ACSL5: variants seen among roughly 807,000 people sequenced by gnomAD.
ACSL5 encodes the protein acyl-CoA synthetase long chain family member 5, also known as long-chain-fatty-acid--CoA ligase 5.
A neutral mutation model predicts 84.9 loss-of-function variants in ACSL5; 50 were observed. The ratio of observed to expected loss-of-function variants is 0.59; its 90% CI spans 0.47 to 0.75. ACSL5 has a LOEUF of 0.75. Among genes scored for constraint, ACSL5 ranks in the 30% least tolerant of loss-of-function variants. ACSL5 has a pLI of 0.00. For synonymous variants in ACSL5, 280 were observed against 300.7 expected, an observed-to-expected ratio of 0.93 and a Z score of 0.71; for missense variants, 775 against 830.4, an observed-to-expected ratio of 0.93 and a Z score of 0.82.
At chr10:112,416,240 G>A (rs1844309908) in intron 12 of ACSL5, among the ~76,000 whole-genome samples, 1 of 152,140 alleles carries the variant, frequency 6.6e-6, no homozygotes, top group South Asian at 2.1e-4. Context: ...GGGAGGCCAA[G>A]GCGGGCAGAT....
chr10:112,418,462 G>A (rs1207374026), intron 14 of ACSL5, among the ~76,000 whole-genome samples: 1 of 152,120 alleles, frequency 6.6e-6, no homozygotes, highest in Admixed American at 6.5e-5. Context: ...GGCGCCTGTA[G>A]TCCCAGCTAC....
At chr10:112,377,256 A>G (rs537189106) in intron 1 of ACSL5, among the ~76,000 whole-genome samples, 1 of 152,224 alleles carries the variant, frequency 6.6e-6, no homozygotes, top group African/African-American at 2.4e-5. Context: ...AAATAAAGTT[A>G]AGGCCGGGCG....
At chr10:112,417,201 T>TAAAAAAAAAAAA (rs377732977) in intron 13 of ACSL5, among the ~76,000 whole-genome samples, 179 bp downstream of exon 13, 1 of 120,050 alleles carries the variant, frequency 8.3e-6, no homozygotes, top group Non-Finnish European at 1.7e-5. Flanking sequence ...GGAGTAGGTT[T>TAAAAAAAAAAAA]AAAAAAAAAA....
At chr10:112,421,528 C>A in intron 14 of ACSL5, 65 bp from the exon 15 acceptor site, 1 of 1,435,892 alleles carries the variant, frequency 7.0e-7, no homozygotes, top group Non-Finnish European at 9.8e-7. Flanking sequence ...GTGTCTTGAC[C>A]ATAGCACGTG....
rs755535386 is a variant in ACSL5 at position 112,413,239 on chromosome 10, G to A, written c.1015G>A (p.Asp339Asn). The A allele has an allele frequency of 6.2e-6, 10 of 1,614,048 alleles. No homozygotes were observed. Among genetic ancestry groups the A allele is most frequent in the South Asian group, 1.1e-5 (1 of 91,080 alleles). Residue 339 changes from aspartate to asparagine, a missense_variant, in exon 12 of 21, where the codon GAC becomes AAC. Asp to Asn is a conservative substitution (Grantham distance 23). Transcript: ENST00000354655. The part of the protein sequence containing the change: ...FQGDIRLLAD[D>N]MKTLKPTLFP... ...AGGGGATATTCGGTTGCTGGCTGAC[G>A]ACATGAAGACTTTGAAGCCCACATT...
chr10:112,381,843 T>C (rs1347550423), intron 1 of ACSL5, among the ~76,000 whole-genome samples: 1 of 152,060 alleles, frequency 6.6e-6, no homozygotes, highest in Non-Finnish European at 1.5e-5. Flanking sequence ...GGCACGTGCC[T>C]GTAGTCCCAG....
At chr10:112,395,163 A>G in intron 2 of ACSL5, 61 bp downstream of exon 2, 1 of 1,522,792 alleles carries the variant, frequency 6.6e-7, no homozygotes, top group Non-Finnish European at 9.0e-7. Context: ...TGTAACTCCA[A>G]ACCTAGGGAT....
At chr10:112,375,622 C>T (rs1849221921) in intron 1 of ACSL5, 3 of 152,350 alleles carry the variant, frequency 2.0e-5, no homozygotes, top group South Asian at 4.2e-4. Context: ...CAGGGCCCCC[C>T]TGTAGCCACA....
At chr10:112,384,197 CA>C (rs536652492) in intron 1 of ACSL5, among the ~76,000 whole-genome samples, 3 of 151,484 alleles carry the variant, frequency 2.0e-5, no homozygotes, top group Non-Finnish European at 4.4e-5. Flanking sequence ...GAAAAAAAAA[CA>C]AAAAACAAAA....
In ACSL5 at chr10:112,416,981, C is replaced by G. The variant is rs756209485; in HGVS notation, c.1177C>G (p.His393Asp). Residue 393 changes from histidine to aspartate, a missense_variant, in exon 13 of 21, where the codon CAT (histidine) becomes GAT (aspartate). By Grantham distance (81) the His-to-Asp change is moderately conservative. Coordinates refer to ENST00000354655, the MANE Select transcript of ACSL5 (RefSeq NM_203379.2). ...AGAGCTTCAAAAGGGTATCATCAGG[C>G]ATGATAGTTTCTGGGACAAGCTCAT... ...FKELQKGIIR[H>D]DSFWDKLIFA... 2 of 1,613,988 alleles carry G rather than the reference C, an allele frequency of 1.2e-6. No homozygotes were observed. The highest frequency in any genetic ancestry group is 2.2e-5 in the South Asian group (2 of 91,076).
rs1844146048 is a variant in ACSL5 at position 112,410,239 on chromosome 10, T to C, written c.712-224T>C. On this transcript the variant is annotated intron_variant, in intron 7 of 20. Coordinates refer to ENST00000354655, the MANE Select transcript of ACSL5 (RefSeq NM_203379.2). ...AAGAGTACAATGGGAAGTTTGAACATGCAATCTACCCTCTATAGGTAGATG... is the reference window on the plus strand; with the variant it reads ...AAGAGTACAATGGGAAGTTTGAACACGCAATCTACCCTCTATAGGTAGATG... 3.3e-6 allele frequency: 5 copies of C among 1,521,626 alleles called. No individual in the cohort carries two copies. The East Asian group carries it at 1.0e-4, about 31-fold the overall frequency. 94.3% of individuals were successfully genotyped at this position (1,521,626 alleles called of 1,614,324 possible). A position where few individuals can be genotyped will look rare whatever the true frequency, so the allele number is the denominator to read the frequency against.
At chr10:112,404,002 T>G (rs566118751) in intron 3 of ACSL5, among the ~76,000 whole-genome samples, 1 of 152,344 alleles carries the variant, frequency 6.6e-6, no homozygotes, top group Non-Finnish European at 1.5e-5. Context: ...ACATGGGGAA[T>G]GAACATAACT....
rs1844463957 is a variant in ACSL5 at position 112,421,500 on chromosome 10, A to G, written c.1315-93A>G. 7 of 1,139,152 alleles carry G rather than the reference A, an allele frequency of 6.1e-6. No homozygotes were observed. In the East Asian group the frequency reaches 1.6e-4, roughly 27 times the overall value. The allele number at this position is 1,139,152 out of a possible 1,614,324, so 70.6% of individuals were successfully genotyped here. A position where few individuals can be genotyped will look rare whatever the true frequency, so the allele number is the denominator to read the frequency against. On this transcript the variant is annotated intron_variant, in intron 14 of 20. Coordinates refer to ENST00000354655, the MANE Select transcript of ACSL5 (RefSeq NM_203379.2). Reference sequence around the variant, plus strand: ...AGACACTAAGTGGTCTCGAACCCTTAGAGACCTTGCTTTCCTCGTGTCTTG... The same window carrying G: ...AGACACTAAGTGGTCTCGAACCCTTGGAGACCTTGCTTTCCTCGTGTCTTG...
At chr10:112,394,826 G>A (rs1843710736) in intron 1 of ACSL5, 92 bp from the exon 2 acceptor site, 10 of 1,528,464 alleles carry the variant, frequency 6.5e-6, no homozygotes, top group Admixed American at 1.8e-5. Flanking sequence ...GTGTGTATGT[G>A]TGTGTGTGTG....
chr10:112,389,597 G>A (rs1012964826), intron 1 of ACSL5, among the ~76,000 whole-genome samples: 1 of 152,130 alleles, frequency 6.6e-6, no homozygotes, highest in African/African-American at 2.4e-5. Flanking sequence ...ATGTTAAAAG[G>A]AAGAGGAAAT....
At chr10:112,375,803 C>G (rs1849227121) in intron 1 of ACSL5, among the ~76,000 whole-genome samples, 1 of 152,194 alleles carries the variant, frequency 6.6e-6, no homozygotes, top group South Asian at 2.1e-4. Context: ...TGCTTATTTT[C>G]TTGGCTTTGC....
intron 16 of ACSL5, 141 bp from the exon 17 acceptor site, chr10:112,422,183 AT>A (rs1844480487): frequency 3.7e-6 from 4 of 1,092,072 alleles, no homozygotes; most frequent in Non-Finnish European, 5.5e-6. Flanking sequence ...CCTATCCCCT[AT>A]AGTGGAGACT....
At chr10:112,392,740 C>CAAA (rs566503761) in intron 1 of ACSL5, among the ~76,000 whole-genome samples, 5 of 117,048 alleles carry the variant, frequency 4.3e-5, no homozygotes, top group Admixed American at 8.4e-5. Context: ...GATTCTGTCT[C>CAAA]AAAAAAAAAA....
chr10:112,376,240 A>T, intron 1 of ACSL5: 1 of 1,584,898 alleles, frequency 6.3e-7, no homozygotes, highest in Non-Finnish European at 8.6e-7. Context: ...AGAAAGCCTG[A>T]CATGGCCTGA....
Sources: gnomAD v4.1 joint callset for allele counts (sites outside exome capture counted in the v4.1 genomes callset) on GRCh38, gnomAD v4.1.1 for gene constraint, MANE v1.5 for transcripts, NCBI Gene and HGNC (gene_info 2026-07-23, HGNC 2026-07-21) for gene names.